The following SHISA9 variants were observed in gnomAD, a reference collection of about 807,000 sequenced individuals.
SHISA9 encodes the protein protein shisa-9.
A neutral mutation model predicts 38.0 loss-of-function variants in SHISA9; 13 were observed. The ratio of observed to expected loss-of-function variants is 0.34; its 90% confidence interval spans 0.22 to 0.54. The LOEUF (loss-of-function observed/expected upper bound fraction) is 0.54. Among genes scored for constraint, SHISA9 ranks in the 20% least tolerant of loss-of-function variants. SHISA9 has a pLI of 0.91. For missense variants in SHISA9, 538 were observed against 575.8 expected, an observed-to-expected ratio of 0.93 and a Z score of 0.67; for synonymous variants, 275 against 242.0, an observed-to-expected ratio of 1.14 and a Z score of -1.27.
At chr16:13,437,343 G>A in the SHISA9 span, among the ~76,000 whole-genome samples, 1 of 152,232 alleles carries the variant, frequency 6.6e-6, no homozygotes, top group Non-Finnish European at 1.5e-5. Flanking sequence ...CTGTGATGAT[G>A]ATGGTTACTA....
chr16:13,348,384 C>T, the SHISA9 span, among the ~76,000 whole-genome samples: 1,347 of 152,126 alleles, frequency 8.9e-3, 19 homozygotes, highest in African/African-American at 0.031. Flanking sequence ...TACAGAGGCT[C>T]AACCTATATT....
the SHISA9 span, among the ~76,000 whole-genome samples, chr16:13,250,947 A>T: frequency 6.6e-6 from 1 of 152,160 alleles, no homozygotes. Context: ...GCAAGTAGTT[A>T]GTGGACTACT....
At chr16:13,233,038 G>A (rs547819631) in intron 4 of SHISA9, among the ~76,000 whole-genome samples, 7 of 152,044 alleles carry the variant, frequency 4.6e-5, no homozygotes, top group South Asian at 4.2e-4. Context: ...TTCAAAGAAC[G>A]ACAAAAAAAC....
At position 13,015,987 on chromosome 16, in the gene SHISA9, T is replaced by TTC. The variant is rs60420047; in HGVS notation, c.691+99174_691+99175dup. Among the ~76,000 whole-genome samples the TTC allele has an allele frequency of 3.9e-3, 39 of 9,906 alleles. 8 individuals are homozygous for TTC. The highest frequency in any genetic ancestry group is 7.1e-3 in the East Asian group (2 of 280). The allele number at this position is 9,906 out of a possible 152,430, so 6.5% of individuals were successfully genotyped here. A position where few individuals can be genotyped will look rare whatever the true frequency, so the allele number is the denominator to read the frequency against. On this transcript the variant is annotated intron_variant, in intron 2 of 4. Transcript: ENST00000558583. ...TTCCCTTCCCTTCCCTTCCCTTCCC[T>TTC]TCTTTTCTTTTCTTCCTTGAGACAG...
intron 2 of SHISA9, among the ~76,000 whole-genome samples, chr16:13,097,287 T>C (rs2073837348): frequency 6.6e-6 from 1 of 152,148 alleles, no homozygotes. Flanking sequence ...ATGTTAGATC[T>C]GGCCTTAAAC....
the SHISA9 span, among the ~76,000 whole-genome samples, chr16:13,409,578 T>G: frequency 6.6e-6 from 1 of 152,196 alleles, no homozygotes; most frequent in African/African-American, 2.4e-5. Context: ...CAGGGAACTC[T>G]CCAGTCTCAG....
chr16:13,019,689 T>G (rs893858855), intron 2 of SHISA9, among the ~76,000 whole-genome samples: 1 of 152,044 alleles, frequency 6.6e-6, no homozygotes, highest in East Asian at 1.9e-4. Context: ...GGGTTTGTCG[T>G]ATAGATTACT....
chr16:12,902,648 CCTCCCCTCGGGGCTTCGCT>C, intron 1 of SHISA9, 21 bp downstream of exon 1: 2 of 1,524,812 alleles, frequency 1.3e-6, no homozygotes, highest in Non-Finnish European at 1.8e-6. Flanking sequence ...TCCCCTTCGC[CCTCCCCTCGGGGCTTCGCT>C]CTCCCTGCTC....
chr16:13,516,353 A>AT, the SHISA9 span, among the ~76,000 whole-genome samples: 1 of 152,200 alleles, frequency 6.6e-6, no homozygotes, highest in African/African-American at 2.4e-5. Context: ...ATGTTTTTAA[A>AT]TTTTTTTCCT....
intron 2 of SHISA9, among the ~76,000 whole-genome samples, chr16:13,093,975 G>T (rs2073801092): frequency 6.6e-6 from 1 of 152,014 alleles, no homozygotes. Flanking sequence ...CATTCTGCCT[G>T]CGTCCCAGCC....
chr16:13,475,167 A>G, the SHISA9 span, among the ~76,000 whole-genome samples: 26 of 152,164 alleles, frequency 1.7e-4, no homozygotes, highest in African/African-American at 6.0e-4. Context: ...AGATGAAGGG[A>G]TGGAGATGAA....
At chr16:13,528,769 T>A in the SHISA9 span, among the ~76,000 whole-genome samples, 1 of 152,174 alleles carries the variant, frequency 6.6e-6, no homozygotes, top group Non-Finnish European at 1.5e-5. Flanking sequence ...AGGAATTACA[T>A]AAGATTCTTG....
At chr16:13,351,908 G>T in the SHISA9 span, among the ~76,000 whole-genome samples, 5 of 152,200 alleles carry the variant, frequency 3.3e-5, no homozygotes, top group Non-Finnish European at 5.9e-5. Context: ...GCTATCCTGT[G>T]AAGGGTTTTT....
chr16:13,414,344 A>T, the SHISA9 span, among the ~76,000 whole-genome samples: 1 of 152,170 alleles, frequency 6.6e-6, no homozygotes, highest in African/African-American at 2.4e-5. Context: ...TGACCTAATG[A>T]TTACAATTTG....
the SHISA9 span, among the ~76,000 whole-genome samples, chr16:13,519,626 T>A: frequency 6.6e-6 from 1 of 152,182 alleles, no homozygotes; most frequent in African/African-American, 2.4e-5. Context: ...GACTGGGTAA[T>A]TTATAAAGGA....
At chr16:12,943,504 T>C in intron 2 of SHISA9, among the ~76,000 whole-genome samples, 1 of 152,144 alleles carries the variant, frequency 6.6e-6, no homozygotes, top group Non-Finnish European at 1.5e-5. Context: ...TTTATTTATA[T>C]TTTACTTTGC....
intron 2 of SHISA9, among the ~76,000 whole-genome samples, chr16:12,928,692 C>T (rs1405668416): frequency 6.6e-6 from 1 of 152,172 alleles, no homozygotes; most frequent in Non-Finnish European, 1.5e-5. Context: ...ATTGAATTGC[C>T]TACAACCCTT....
chr16:13,187,995 C>T (rs531297789), intron 2 of SHISA9, among the ~76,000 whole-genome samples: 177 of 152,260 alleles, frequency 1.2e-3, no homozygotes, highest in Non-Finnish European at 2.2e-3. Flanking sequence ...ATCCTCCAAC[C>T]GTGGGGGAAG....
chr16:12,970,305 C>G (rs1394668430), intron 2 of SHISA9, among the ~76,000 whole-genome samples: 4 of 128,932 alleles, frequency 3.1e-5, no homozygotes, highest in Non-Finnish European at 4.8e-5. Flanking sequence ...GGACCCCTAT[C>G]TCTCACTAGG....
Sources: allele counts gnomAD v4.1 joint callset (sites outside exome capture counted in the v4.1 genomes callset), GRCh38; gene constraint gnomAD v4.1.1; transcripts MANE v1.5; gene names NCBI Gene and HGNC (gene_info 2026-07-23, HGNC 2026-07-21).